The following DYNC1I1 variants were observed in gnomAD, a reference collection of about 807,000 sequenced individuals.
DYNC1I1 encodes cytoplasmic dynein 1 intermediate chain 1.
DYNC1I1 carries 43 observed loss-of-function variants against 86.6 expected under a neutral mutation model. That is an observed-to-expected ratio of 0.50 (90% confidence interval 0.39 to 0.64). The LOEUF (loss-of-function observed/expected upper bound fraction) is 0.64, where lower values mean the gene tolerates loss of function less well. DYNC1I1 is among the 30% of genes least tolerant of loss of function. The probability of loss-of-function intolerance (pLI) is 0.00; values close to 1 mark genes in which losing one functional copy is unlikely to be tolerated. For synonymous variants in DYNC1I1, 262 were observed against 283.7 expected (o/e 0.92, Z 0.77); for missense variants, 604 against 788.8 (o/e 0.77, Z 2.81).
At chr7:95,931,917 C>G (rs1287631438) in intron 6 of DYNC1I1, among the ~76,000 whole-genome samples, 1 of 152,172 alleles carries the variant, frequency 6.6e-6, no homozygotes, top group Non-Finnish European at 1.5e-5. Flanking sequence ...GTCTAACTTG[C>G]TGCCAGCGTC....
At chr7:95,799,509 A>G (rs1245630375) in intron 1 of DYNC1I1, among the ~76,000 whole-genome samples, 2 of 152,106 alleles carry the variant, frequency 1.3e-5, no homozygotes, top group African/African-American at 2.4e-5. Flanking sequence ...CCTCTGGGGG[A>G]AGTGGGTAAG....
Position 95,869,887 on chromosome 7 carries a change from A to G in DYNC1I1, c.379A>G (p.Arg127Gly). The change falls in exon 6 of 17, where the codon AGA (arginine) becomes GGA (glycine). Residue 127 changes from arginine to glycine, a missense_variant. Transcript: ENST00000447467. ...TTTATTCTTTGTTACTTACAGAAGA[A>G]GACTGCATAAACTGGGCGTGTCAAA... ...QLQSDSELGR[R>G]LHKLGVSKVT... 1 of 1,613,914 alleles carries G rather than the reference A, an allele frequency of 6.2e-7. No homozygotes were observed. Among genetic ancestry groups the G allele is most frequent in the East Asian group, 2.2e-5 (1 of 44,864 alleles).
chr7:95,789,832 A>T (rs1170170232), intron 1 of DYNC1I1, among the ~76,000 whole-genome samples: 2 of 152,254 alleles, frequency 1.3e-5, no homozygotes, highest in African/African-American at 4.8e-5. Context: ...AATATATTTC[A>T]AAAGTTTAAC....
In DYNC1I1 at chr7:95,885,984, CCTA is replaced by C. The variant is rs1465803595; in HGVS notation, c.490+15989_490+15991del. Among the ~76,000 whole-genome samples, 3 of 152,232 alleles carry C rather than the reference CCTA, an allele frequency of 2.0e-5. No homozygotes were observed. In the East Asian group the frequency reaches 5.8e-4, roughly 29 times the overall value. ...AACTACCAAAGGTCTTATTATAAAT[CCTA>C]CTTTTAAGATCTGGGTAACACTGTT... is the stretch of plus-strand genomic sequence containing the variant. On this transcript the variant is annotated intron_variant, in intron 6 of 16. Transcript: ENST00000447467.
intron 10 of DYNC1I1, among the ~76,000 whole-genome samples, chr7:96,015,583 T>C (rs1424714541): frequency 1.3e-5 from 2 of 152,190 alleles, no homozygotes; most frequent in African/African-American, 2.4e-5. Context: ...TTTTGTCCTT[T>C]TAAAAACCAG....
intron 1 of DYNC1I1, among the ~76,000 whole-genome samples, chr7:95,780,389 T>A (rs1256111938): frequency 6.6e-6 from 1 of 151,354 alleles, no homozygotes; most frequent in African/African-American, 2.4e-5. Context: ...TGCCTCAGCC[T>A]CCCGAGTAGC....
At chr7:96,038,256 G>A (rs1235580358) in intron 13 of DYNC1I1, among the ~76,000 whole-genome samples, 3 of 152,046 alleles carry the variant, frequency 2.0e-5, no homozygotes, top group African/African-American at 7.2e-5. Context: ...AACTGAGCTC[G>A]TTTTTATTCT....
At chr7:95,868,900 C>T (rs1359907095) in intron 5 of DYNC1I1, among the ~76,000 whole-genome samples, 1 of 152,162 alleles carries the variant, frequency 6.6e-6, no homozygotes, top group Non-Finnish European at 1.5e-5. Flanking sequence ...TGTATTTAAT[C>T]ACCAGGTGAT....
chr7:96,043,163 ATC>A, intron 14 of DYNC1I1, among the ~76,000 whole-genome samples: 1 of 145,050 alleles, frequency 6.9e-6, no homozygotes. Flanking sequence ...GTGAGACTCC[ATC>A]TCAAAAAAAA....
chr7:96,021,798 A>G (rs111834624), intron 10 of DYNC1I1, among the ~76,000 whole-genome samples: 1 of 152,172 alleles, frequency 6.6e-6, no homozygotes, highest in Admixed American at 6.6e-5. Context: ...AGTTAGCGTA[A>G]TGATTTCAAG....
At chr7:95,796,043 A>C (rs1355883234) in intron 1 of DYNC1I1, among the ~76,000 whole-genome samples, 2 of 150,570 alleles carry the variant, frequency 1.3e-5, no homozygotes, top group Admixed American at 1.3e-4. Flanking sequence ...AAATATAATT[A>C]AGACCAAAAA....
intron 5 of DYNC1I1, among the ~76,000 whole-genome samples, chr7:95,841,715 C>T (rs574168084): frequency 6.6e-6 from 1 of 152,196 alleles, no homozygotes; most frequent in African/African-American, 2.4e-5. Context: ...CATTTAAACT[C>T]CCTGGGGACT....
At chr7:96,025,292 T>G (rs529062350) in intron 10 of DYNC1I1, among the ~76,000 whole-genome samples, 2 of 152,296 alleles carry the variant, frequency 1.3e-5, no homozygotes, top group South Asian at 4.1e-4. Flanking sequence ...TATGTAAATA[T>G]ATCTGTATTT....
chr7:96,099,616 AT>A (rs1791096516), downstream of DYNC1I1, among the ~76,000 whole-genome samples: 1 of 152,116 alleles, frequency 6.6e-6, no homozygotes, highest in Non-Finnish European at 1.5e-5. Context: ...CTATCTTCTC[AT>A]TGAATCCTCA....
chr7:96,098,917 G>A (rs1791085769), downstream of DYNC1I1, among the ~76,000 whole-genome samples: 1 of 152,096 alleles, frequency 6.6e-6, no homozygotes, highest in South Asian at 2.1e-4. Flanking sequence ...AATTCCCATT[G>A]GGACTTTGTT....
intron 6 of DYNC1I1, among the ~76,000 whole-genome samples, chr7:95,903,328 C>T (rs1791088630): frequency 2.0e-5 from 3 of 152,144 alleles, no homozygotes; most frequent in African/African-American, 4.8e-5. Flanking sequence ...CAAATGCTTC[C>T]AACTTATTTA....
At chr7:95,881,373 GA>G (rs5885930) in intron 6 of DYNC1I1, among the ~76,000 whole-genome samples, 91,679 of 150,200 alleles carry the variant, frequency 0.61, 28,168 homozygotes, top group Non-Finnish European at 0.67. Flanking sequence ...AAAGGAAAAA[GA>G]AAAAAAAAAG....
At chr7:95,834,824 T>G (rs1417418104) in intron 5 of DYNC1I1, among the ~76,000 whole-genome samples, 15 of 147,520 alleles carry the variant, frequency 1.0e-4, no homozygotes, top group African/African-American at 3.8e-4. Flanking sequence ...GATATCCCCT[T>G]TATCATTTTT....
At chr7:95,938,881 G>T (rs1003547823) in intron 6 of DYNC1I1, among the ~76,000 whole-genome samples, 1 of 151,964 alleles carries the variant, frequency 6.6e-6, no homozygotes, top group Non-Finnish European at 1.5e-5. Flanking sequence ...ACCATTTTTT[G>T]TGATGTTAGG....
Sources: gnomAD v4.1 joint callset for allele counts (sites outside exome capture counted in the v4.1 genomes callset) on GRCh38, gnomAD v4.1.1 for gene constraint, MANE v1.5 for transcripts, NCBI Gene and HGNC (gene_info 2026-07-23, HGNC 2026-07-21) for gene names.